CPNE4: variants seen among roughly 807,000 people sequenced by gnomAD.
CPNE4 encodes the protein copine-4.
In CPNE4, 25 loss-of-function variants were observed where a neutral mutation model predicts 67.9. That is an observed-to-expected ratio of 0.37 (90% CI 0.27 to 0.51). The LOEUF (loss-of-function observed/expected upper bound fraction) is 0.51, where lower values mean the gene tolerates loss of function less well. Among genes scored for constraint, CPNE4 ranks in the 20% least tolerant of loss-of-function variants. The pLI, the probability that CPNE4 is intolerant of heterozygous loss-of-function variation, is 0.93. For synonymous variants in CPNE4, 242 were observed against 244.9 expected, an observed-to-expected ratio of 0.99 and a Z score of 0.11; for missense variants, 464 against 690.8, an observed-to-expected ratio of 0.67 and a Z score of 3.68.
intron 1 of CPNE4, among the ~76,000 whole-genome samples, chr3:131,996,178 T>G (rs952137050): frequency 6.6e-6 from 1 of 152,202 alleles, no homozygotes; most frequent in African/African-American, 2.4e-5. Flanking sequence ...AGAAATTAAG[T>G]GCCTGATTTA....
At chr3:131,848,126 G>T (rs148870634) in intron 2 of CPNE4, among the ~76,000 whole-genome samples, 1 of 152,112 alleles carries the variant, frequency 6.6e-6, no homozygotes, top group South Asian at 2.1e-4. Context: ...TGAGTCTTAC[G>T]TAAGGGGAGC....
chr3:131,953,239 T>TAAAAAAAAAAAAAAA (rs1167094357), intron 1 of CPNE4, among the ~76,000 whole-genome samples: 12 of 97,122 alleles, frequency 1.2e-4, no homozygotes, highest in East Asian at 3.7e-4. Flanking sequence ...AATGATCAAT[T>TAAAAAAAAAAAAAAA]AAAAAAAAAA....
At position 131,613,594 on chromosome 3, in the gene CPNE4, C is replaced by G. The variant is rs148783771; in HGVS notation, c.682-26012G>C. 6.5e-3 allele frequency among the ~76,000 whole-genome samples: 983 copies of G among 152,292 alleles called. 11 individuals carry two copies. The highest frequency in any genetic ancestry group is 0.023 in the African/African-American group (940 of 41,558). On this transcript the variant is annotated intron_variant, in intron 7 of 15. Transcript: ENST00000429747. ...GTTGTTCATATTTGCAAATAACTAC[C>G]TTGGCAGGCAGGTATGTGCTCTGTA...
At position 131,596,621 on chromosome 3, in the gene CPNE4, C is replaced by CAAAAAAAAA. The variant is rs58456346; in HGVS notation, c.682-9048_682-9040dup. Among the ~76,000 whole-genome samples the CAAAAAAAAA allele has an allele frequency of 8.2e-4, 27 of 32,978 alleles. 1 individual carries two copies. The highest frequency in any genetic ancestry group is 3.3e-3 in the East Asian group (2 of 600). 21.6% of individuals were successfully genotyped at this position (32,978 alleles called of 152,430 possible). On this transcript the variant is annotated intron_variant, in intron 7 of 15. Coordinates refer to ENST00000429747, the MANE Select transcript of CPNE4 (RefSeq NM_130808.3). ...TGGGCGACAGAGCGAGACTCCGTCTCAAAAAAAAAAAAAAAAAAAAAAAAA... is the reference window on the plus strand; with the variant it reads ...TGGGCGACAGAGCGAGACTCCGTCTCAAAAAAAAAAAAAAAAAAAAAAAAAAAAAAAAAA...
rs372793514 is a variant in CPNE4, at chr3:131,713,534, C to A, written c.360+9912G>T. 1.8e-4 allele frequency among the ~76,000 whole-genome samples: 27 copies of A among 152,192 alleles called. No individual in the cohort carries two copies. The Middle Eastern group carries it at 0.01, about 58-fold the overall frequency. ...GAAAGAGATGAATGAGAATCATTGACTATTAGAACTGGAAGGAACTTAGAG... is the reference window on the plus strand; with the variant it reads ...GAAAGAGATGAATGAGAATCATTGAATATTAGAACTGGAAGGAACTTAGAG... On this transcript the variant is annotated intron_variant, in intron 3 of 15. Transcript: ENST00000429747.
chr3:131,646,050 T>C (rs1441257096), intron 7 of CPNE4, among the ~76,000 whole-genome samples: 1 of 152,132 alleles, frequency 6.6e-6, no homozygotes, highest in African/African-American at 2.4e-5. Context: ...TCTTACTCTG[T>C]GATTCACTAA....
upstream of CPNE4, chr3:132,037,705 G>A (rs1048069408): frequency 2.2e-5 from 23 of 1,049,638 alleles, no homozygotes; most frequent in Non-Finnish European, 3.3e-5. Flanking sequence ...TTCACTCGCC[G>A]GGTTTCTGTT....
At chr3:131,841,404 T>G (rs1231059398) in intron 2 of CPNE4, among the ~76,000 whole-genome samples, 1 of 152,194 alleles carries the variant, frequency 6.6e-6, no homozygotes, top group African/African-American at 2.4e-5. Flanking sequence ...AGTACCAGTC[T>G]GTGGCCTGTT....
chr3:131,848,981 A>C lies in CPNE4; in HGVS notation c.180+56283T>G, dbSNP rs868594501. On this transcript the variant is annotated intron_variant, in intron 2 of 15. Transcript: ENST00000429747. The stretch of plus-strand genomic sequence containing the variant: ...CAAAAAAAAAAAAAAAAAAAAAAAA[A>C]ACACAGAGATATCATCCACCTCCTC... Among the ~76,000 whole-genome samples the C allele has an allele frequency of 1.5e-3, 214 of 141,752 alleles. 2 individuals are homozygous for C. Among genetic ancestry groups the C allele is most frequent in the African/African-American group, 4.4e-3 (174 of 39,414 alleles). 93.0% of individuals were successfully genotyped at this position (141,752 alleles called of 152,430 possible). A position where few individuals can be genotyped will look rare whatever the true frequency, so the allele number is the denominator to read the frequency against.
chr3:131,865,724 A>C (rs797000521), intron 2 of CPNE4, among the ~76,000 whole-genome samples: 30 of 152,320 alleles, frequency 2.0e-4, no homozygotes, highest in African/African-American at 7.0e-4. Context: ...GTAGACTGAA[A>C]AGCAATTTAG....
chr3:131,940,426 T>G (rs540650936), intron 1 of CPNE4, among the ~76,000 whole-genome samples: 2 of 152,230 alleles, frequency 1.3e-5, no homozygotes, highest in African/African-American at 2.4e-5. Flanking sequence ...TTATTTCATG[T>G]TTTTTACATT....
At chr3:131,690,163 A>G (rs1328800601) in intron 5 of CPNE4, among the ~76,000 whole-genome samples, 1 of 152,134 alleles carries the variant, frequency 6.6e-6, no homozygotes, top group Non-Finnish European at 1.5e-5. Flanking sequence ...CTATAAACAT[A>G]GTTTTCACAG....
upstream of CPNE4, among the ~76,000 whole-genome samples, chr3:132,036,749 G>A (rs2074346179): frequency 6.6e-6 from 1 of 152,082 alleles, no homozygotes; most frequent in Admixed American, 6.6e-5. Flanking sequence ...TAACCCCAAT[G>A]CCTAGAAAGG....
At chr3:131,715,036 C>T (rs532479326) in intron 3 of CPNE4, among the ~76,000 whole-genome samples, 1 of 148,952 alleles carries the variant, frequency 6.7e-6, no homozygotes, top group South Asian at 2.2e-4. Flanking sequence ...ATAACTGTCT[C>T]CAAACCACTG....
chr3:131,643,310 A>C (rs914880314), intron 7 of CPNE4, among the ~76,000 whole-genome samples: 1 of 152,148 alleles, frequency 6.6e-6, no homozygotes, highest in African/African-American at 2.4e-5. Context: ...GTCAAAGGGG[A>C]TCATTTTGGA....
chr3:131,584,443 C>G (rs1938045053), intron 8 of CPNE4, among the ~76,000 whole-genome samples: 4 of 152,130 alleles, frequency 2.6e-5, no homozygotes, highest in Admixed American at 6.5e-5. Flanking sequence ...TCCCTTACTC[C>G]CTATATCCAA....
rs142347749 is a variant in CPNE4, at chr3:131,869,741, G to T, written c.180+35523C>A. On this transcript the variant is annotated intron_variant, in intron 2 of 15. Coordinates refer to ENST00000429747, the MANE Select transcript of CPNE4 (RefSeq NM_130808.3). ...ACAGTTGTATGTTCGGAGAAAAAGA[G>T]GAGAGAGAAGACTAAGACTCATAGG... is the stretch of plus-strand genomic sequence containing the variant. 2.7e-3 allele frequency among the ~76,000 whole-genome samples: 409 copies of T among 152,226 alleles called. 3 individuals carry two copies. Among genetic ancestry groups the T allele is most frequent in the African/African-American group, 9.5e-3 (396 of 41,536 alleles).
At chr3:131,687,843 G>T (rs1175290357) in intron 5 of CPNE4, among the ~76,000 whole-genome samples, 1 of 152,238 alleles carries the variant, frequency 6.6e-6, no homozygotes, top group East Asian at 1.9e-4. Flanking sequence ...GTATAAATGA[G>T]TGAATGAGTG....
intron 7 of CPNE4, among the ~76,000 whole-genome samples, chr3:131,621,298 G>A (rs972489275): frequency 1.3e-5 from 2 of 152,096 alleles, no homozygotes; most frequent in Admixed American, 6.5e-5. Flanking sequence ...AGGCTGGAGT[G>A]CAGTGCCACA....
Sources: gnomAD v4.1 joint callset for allele counts (sites outside exome capture counted in the v4.1 genomes callset) on GRCh38, gnomAD v4.1.1 for gene constraint, MANE v1.5 for transcripts, NCBI Gene and HGNC (gene_info 2026-07-23, HGNC 2026-07-21) for gene names.